CCDC186: variants seen among roughly 807,000 people sequenced by gnomAD.
The protein encoded by CCDC186 is coiled-coil domain-containing protein 186.
Under a neutral mutation model 113.7 loss-of-function variants are expected in CCDC186, and 49 were observed. The observed-to-expected ratio is 0.43, with a 90% CI of 0.34 to 0.55. The LOEUF (loss-of-function observed/expected upper bound fraction) is 0.55, where lower values mean the gene tolerates loss of function less well. Ranked by LOEUF, CCDC186 falls within the 20% of genes least tolerant of loss-of-function variation. The pLI, the probability that CCDC186 is intolerant of heterozygous loss-of-function variation, is 0.02. For synonymous variants in CCDC186, 355 were observed against 345.8 expected, an observed-to-expected ratio of 1.03 and a Z score of -0.30; for missense variants, 890 against 1,011.1, an observed-to-expected ratio of 0.88 and a Z score of 1.62.
intron 4 of CCDC186, among the ~76,000 whole-genome samples, chr10:114,149,770 A>AAGGC (rs879423302): frequency 0.084 from 4,526 of 54,010 alleles, 136 homozygotes; most frequent in Middle Eastern, 0.15. Flanking sequence ...GGAAGGAAGG[A>AAGGC]AGGAAGGCAG....
chr10:114,127,069 T>G (rs1391400023), intron 14 of CCDC186, among the ~76,000 whole-genome samples: 1 of 152,134 alleles, frequency 6.6e-6, no homozygotes. Flanking sequence ...CACAGCGCCT[T>G]GTACTACTAG....
At position 114,129,950 on chromosome 10, in the gene CCDC186, A is replaced by G; in HGVS notation, c.2123T>C (p.Val708Ala). The G allele has an allele frequency of 6.2e-7, 1 of 1,613,312 alleles. No individual in the cohort carries two copies. The highest frequency in any genetic ancestry group is 8.5e-7 in the Non-Finnish European group (1 of 1,179,536). Reference sequence around the variant, plus strand: ...TTCTTTGTCATAGCTTCCACTCTCAACCTGATCTAATTTTCTTCGTGCTAT... The same window carrying G: ...TTCTTTGTCATAGCTTCCACTCTCAGCCTGATCTAATTTTCTTCGTGCTAT... ...LQQARRKLDQ[V>A]ESGSYDKEVS... Residue 708 changes from valine (V) to alanine (A), a missense_variant, in exon 13 of 16, where the codon GTT (valine) becomes GCT (alanine). Val to Ala is a moderately conservative substitution (Grantham distance 64). Coordinates refer to ENST00000369287, the MANE Select transcript of CCDC186 (RefSeq NM_018017.4).
At position 114,157,669 on chromosome 10, in the gene CCDC186, T is replaced by G; in HGVS notation, c.644A>C (p.Glu215Ala). The G allele has an allele frequency of 6.3e-7, 1 of 1,587,656 alleles. No homozygotes were observed. Among genetic ancestry groups the G allele is most frequent in the Non-Finnish European group, 8.5e-7 (1 of 1,170,282 alleles). The change falls in exon 3 of 16, where the codon GAA (glutamate) becomes GCA (alanine). Residue 215 changes from glutamate (E) to alanine (A), a missense_variant. Glu to Ala is a moderately radical substitution (Grantham distance 107, BLOSUM62 -1). Transcript: ENST00000369287. ...GAAGAGCTCCTGATGCTTCTTATTT[T>G]CTTTAATTAACCTAAATATAAAAAG... ...QEHIIKKLIKENKKHQELFVD... is the reference protein window; with the variant it reads ...QEHIIKKLIKANKKHQELFVD...
rs188183531 is a variant in CCDC186, at chr10:114,124,282, T to C, written c.*861A>G. 6.6e-6 allele frequency: 1 copy of C among 151,298 alleles called. No individual in the cohort carries two copies. Among genetic ancestry groups the C allele is most frequent in the East Asian group, 1.9e-4 (1 of 5,184 alleles). 9.4% of individuals were successfully genotyped at this position (151,298 alleles called of 1,614,324 possible). On this transcript the variant is annotated 3_prime_UTR_variant, in exon 16 of 16. Coordinates refer to ENST00000369287, the MANE Select transcript of CCDC186 (RefSeq NM_018017.4). ...AAATGAAATAGTTTATAGTGCCATA[T>C]GCTGGTTTCTTTTGGAAGCTGGTTC...
At chr10:114,134,797 T>G in intron 10 of CCDC186, 116 bp downstream of exon 10, 1 of 1,086,292 alleles carries the variant, frequency 9.2e-7, no homozygotes, top group Non-Finnish European at 1.3e-6. Context: ...ATTTAAAAAT[T>G]TCAGCTAGTA....
chr10:114,163,483 A>G (rs986679896), intron 1 of CCDC186, among the ~76,000 whole-genome samples, 154 bp from the exon 2 acceptor site: 2 of 152,214 alleles, frequency 1.3e-5, no homozygotes, highest in Non-Finnish European at 2.9e-5. Context: ...AAAAAGGACT[A>G]GGACAGCTAA....
intron 4 of CCDC186, among the ~76,000 whole-genome samples, chr10:114,150,700 G>A (rs2031827916): frequency 6.6e-6 from 1 of 152,130 alleles, no homozygotes. Context: ...CCAGGCTGGA[G>A]TGCAGCAGTG....
At chr10:114,135,215 T>C (rs531441301) in intron 9 of CCDC186, among the ~76,000 whole-genome samples, 160 bp from the exon 10 acceptor site, 94 of 152,292 alleles carry the variant, frequency 6.2e-4, no homozygotes, top group African/African-American at 2.2e-3. Flanking sequence ...AGTCTCAGAT[T>C]TCTTATGATT....
chr10:114,155,971 AAAC>A (rs34202974), intron 3 of CCDC186, among the ~76,000 whole-genome samples: 11 of 152,008 alleles, frequency 7.2e-5, no homozygotes, highest in Non-Finnish European at 1.5e-4. Context: ...TTCTCTTTAA[AAAC>A]AACAACAACA....
At chr10:114,173,221 G>A (rs1455264691) in intron 1 of CCDC186, 1 of 455,828 alleles carries the variant, frequency 2.2e-6, no homozygotes, top group Non-Finnish European at 4.4e-6. Context: ...AAAGAAGTAG[G>A]ATTCTAATCC....
Position 114,126,061 on chromosome 10 carries a change from G to A in CCDC186, c.2438C>T (p.Ser813Phe), listed in dbSNP as rs1459432993. Residue 813 changes from serine to phenylalanine, a missense_variant, in exon 15 of 16, where the codon TCT becomes TTT. Ser to Phe is a radical substitution (Grantham distance 155). Transcript: ENST00000369287. ...YILREESGTL[S>F]SEASDFNKVH... is the part of the protein sequence containing the mutation. The stretch of plus-strand genomic sequence containing the variant: ...TTTGTTAAAATCAGATGCCTCTGAA[G>A]AAAGTGTGCCTGATTCTTCTCGTAA... 2 of 1,613,846 alleles carry A rather than the reference G, an allele frequency of 1.2e-6. No individual in the cohort carries two copies. The highest frequency in any genetic ancestry group is 2.7e-5 in the African/African-American group (2 of 74,904).
At chr10:114,166,554 AG>A (rs1451960437) in intron 1 of CCDC186, among the ~76,000 whole-genome samples, 1 of 152,252 alleles carries the variant, frequency 6.6e-6, no homozygotes, top group Non-Finnish European at 1.5e-5. Context: ...ACTTGCACGA[AG>A]ATGGAACCTC....
Position 114,127,607 on chromosome 10 carries a change from A to C in CCDC186, c.2247T>G (p.Ala749=). 1 of 1,614,126 alleles carries C rather than the reference A, an allele frequency of 6.2e-7. No individual in the cohort carries two copies. The change falls in exon 14 of 16, where the codon GCT becomes GCG. Residue 749 remains alanine (A), a synonymous_variant. Coordinates refer to ENST00000369287, the MANE Select transcript of CCDC186 (RefSeq NM_018017.4). ...RSPENTGSSV[A]VDNFPQVDKA... is the part of the protein sequence containing the mutation. ...TATCTACTTGTGGAAAGTTATCCACAGCTACTGAGGACCCAGTATTTTCTG... is the reference window on the plus strand; with the variant it reads ...TATCTACTTGTGGAAAGTTATCCACCGCTACTGAGGACCCAGTATTTTCTG...
chr10:114,131,438 A>T, intron 11 of CCDC186, 102 bp from the exon 12 acceptor site: 1 of 973,432 alleles, frequency 1.0e-6, no homozygotes, highest in East Asian at 2.8e-5. Flanking sequence ...GACAGTGGAG[A>T]TTCTTCTATT....
At chr10:114,125,273 T>C in intron 15 of CCDC186, 47 bp from the exon 16 acceptor site, 1 of 1,380,130 alleles carries the variant, frequency 7.2e-7, no homozygotes, top group Non-Finnish European at 1.0e-6. Flanking sequence ...AACAAAAGTA[T>C]AATAAATAAA....
chr10:114,159,008 A>G (rs2119817753), intron 2 of CCDC186, among the ~76,000 whole-genome samples: 1 of 152,328 alleles, frequency 6.6e-6, no homozygotes, highest in South Asian at 2.1e-4. Context: ...ATTAAATCCT[A>G]TTAAGAAAAA....
chr10:114,174,122 G>C lies in CCDC186; in HGVS notation c.-169C>G. The C allele has an allele frequency of 2.1e-6, 1 of 472,192 alleles. No homozygotes were observed. Among genetic ancestry groups the C allele is most frequent in the Non-Finnish European group, 4.4e-6 (1 of 227,020 alleles). 29.3% of individuals were successfully genotyped at this position (472,192 alleles called of 1,614,324 possible). ...CAACCAGCCAAGAGTGGGAGGAAAA[G>C]ACCGCGGTGAGAAACACAGCCGACG... On this transcript the variant is annotated 5_prime_UTR_variant, in exon 1 of 16. Transcript: ENST00000369287.
At chr10:114,137,140 T>C (rs373309937) in intron 7 of CCDC186, 46 bp downstream of exon 7, 15 of 1,416,870 alleles carry the variant, frequency 1.1e-5, no homozygotes, top group Non-Finnish European at 1.5e-5. Flanking sequence ...AGAGAACTGA[T>C]ATTTGCTAAA....
rs1431969840 is a variant in CCDC186 at position 114,124,966 on chromosome 10, T to A, written c.*177A>T. 2.1e-6 allele frequency: 1 copy of A among 470,952 alleles called. No homozygotes were observed. Among genetic ancestry groups the A allele is most frequent in the Non-Finnish European group, 3.8e-6 (1 of 265,742 alleles). 29.2% of individuals were successfully genotyped at this position (470,952 alleles called of 1,614,324 possible). ...ACAAATTTCATCAAAGCTTTCAGTC[T>A]TACAGTATATACAGCAATGCATTCA... is the stretch of plus-strand genomic sequence containing the variant. On this transcript the variant is annotated 3_prime_UTR_variant, in exon 16 of 16. Coordinates refer to ENST00000369287, the MANE Select transcript of CCDC186 (RefSeq NM_018017.4).
Sources: allele counts gnomAD v4.1 joint callset (sites outside exome capture counted in the v4.1 genomes callset), GRCh38; gene constraint gnomAD v4.1.1; transcripts MANE v1.5; gene names NCBI Gene and HGNC (gene_info 2026-07-23, HGNC 2026-07-21).